Variants in ASTN2 observed in about 807,000 individuals in gnomAD.
The protein encoded by ASTN2 is astrotactin 2.
A neutral mutation model predicts 139.8 loss-of-function variants in ASTN2; 54 were observed. The ratio of observed to expected loss-of-function variants is 0.39; its 90% CI spans 0.31 to 0.48. The LOEUF is 0.48. ASTN2 is among the 20% of genes least tolerant of loss of function. ASTN2 has a pLI of 0.95. For synonymous variants in ASTN2, 756 were observed against 719.5 expected (o/e 1.05, Z -0.81); for missense variants, 1,565 against 1,725.1 (o/e 0.91, Z 1.64).
intron 1 of ASTN2, among the ~76,000 whole-genome samples, chr9:117,353,931 A>G (rs1258722868): frequency 6.6e-6 from 1 of 152,180 alleles, no homozygotes; most frequent in Non-Finnish European, 1.5e-5. Flanking sequence ...AGCACAGAGG[A>G]TTTTTAGGGC....
chr9:117,268,502 T>G (rs1833987085), intron 2 of ASTN2, among the ~76,000 whole-genome samples: 1 of 152,218 alleles, frequency 6.6e-6, no homozygotes, highest in Non-Finnish European at 1.5e-5. Flanking sequence ...TTTTCTCCTC[T>G]GTGTTCCCAC....
chr9:117,390,946 T>C (rs946411415), intron 1 of ASTN2, among the ~76,000 whole-genome samples: 8 of 152,228 alleles, frequency 5.3e-5, no homozygotes, highest in African/African-American at 1.9e-4. Context: ...CTGATTTAAT[T>C]GGCCTAAGGT....
chr9:116,804,024 C>A (rs1830966523), intron 13 of ASTN2, among the ~76,000 whole-genome samples: 1 of 151,856 alleles, frequency 6.6e-6, no homozygotes, highest in African/African-American at 2.4e-5. Flanking sequence ...AGTCATGGAT[C>A]CACCTGCCAA....
chr9:116,763,480 T>G (rs897885027), intron 13 of ASTN2, among the ~76,000 whole-genome samples: 3 of 151,998 alleles, frequency 2.0e-5, no homozygotes, highest in Non-Finnish European at 4.4e-5. Context: ...CAAAACTTCT[T>G]CTCCAGGCCA....
At chr9:116,489,916 A>C (rs1345314896) in intron 19 of ASTN2, among the ~76,000 whole-genome samples, 3 of 152,186 alleles carry the variant, frequency 2.0e-5, no homozygotes, top group East Asian at 3.9e-4. Context: ...AGGCAATTTC[A>C]GCTGCCACTG....
At chr9:117,137,450 G>A (rs896828737) in intron 4 of ASTN2, among the ~76,000 whole-genome samples, 7 of 152,124 alleles carry the variant, frequency 4.6e-5, no homozygotes, top group African/African-American at 1.7e-4. Flanking sequence ...AAAGACAGAG[G>A]ATTCAGACCA....
chr9:116,771,030 G>T lies in ASTN2; in HGVS notation c.2396+34602C>A, dbSNP rs149583328. ...TACTGTCTTATGTATTTTCTGTCAT[G>T]TTTTCTGCTTTATTCATCTGCTGAT... On this transcript the variant is annotated intron_variant, in intron 13 of 22. Coordinates refer to ENST00000313400, the MANE Select transcript of ASTN2 (RefSeq NM_001365068.1). Among the ~76,000 whole-genome samples the T allele has an allele frequency of 7.2e-5, 11 of 152,230 alleles. No homozygotes were observed. The East Asian group carries it at 2.1e-3, about 29-fold the overall frequency.
At chr9:116,847,198 C>T (rs919699541) in intron 11 of ASTN2, among the ~76,000 whole-genome samples, 8 of 152,122 alleles carry the variant, frequency 5.3e-5, no homozygotes, top group Non-Finnish European at 1.0e-4. Flanking sequence ...TCACTGCAAC[C>T]TCTGCCTCCC....
intron 10 of ASTN2, among the ~76,000 whole-genome samples, chr9:116,904,062 C>T (rs1181230809): frequency 6.6e-6 from 1 of 152,222 alleles, no homozygotes; most frequent in African/African-American, 2.4e-5. Flanking sequence ...ACAGGGTCCC[C>T]ATCCTTCTAC....
chr9:117,119,487 C>G (rs911119633), intron 4 of ASTN2, among the ~76,000 whole-genome samples: 2 of 152,078 alleles, frequency 1.3e-5, no homozygotes. Context: ...CTGACCCTCT[C>G]CAGCACCTCC....
intron 5 of ASTN2, among the ~76,000 whole-genome samples, chr9:117,054,694 T>C (rs2132673573): frequency 6.6e-6 from 1 of 152,272 alleles, no homozygotes; most frequent in Non-Finnish European, 1.5e-5. Context: ...GAATTTCAGG[T>C]ACATGCTGTG....
At chr9:116,973,071 C>T (rs1166128385) in intron 10 of ASTN2, among the ~76,000 whole-genome samples, 2 of 152,198 alleles carry the variant, frequency 1.3e-5, no homozygotes, top group African/African-American at 4.8e-5. Flanking sequence ...ACTCAATCTA[C>T]ATAGTGCAGA....
At chr9:116,955,902 C>G (rs1243625929) in intron 10 of ASTN2, among the ~76,000 whole-genome samples, 1 of 152,048 alleles carries the variant, frequency 6.6e-6, no homozygotes, top group East Asian at 1.9e-4. Context: ...TTCAGCTTAA[C>G]TGGAAAACTA....
At chr9:116,763,937 GC>G (rs756249447) in intron 13 of ASTN2, among the ~76,000 whole-genome samples, 2 of 152,194 alleles carry the variant, frequency 1.3e-5, no homozygotes, top group Non-Finnish European at 2.9e-5. Flanking sequence ...TAAGAGTGCT[GC>G]AGAGGAAGCC....
chr9:116,600,475 G>A (rs1157825739), intron 19 of ASTN2, among the ~76,000 whole-genome samples: 1 of 152,126 alleles, frequency 6.6e-6, no homozygotes, highest in South Asian at 2.1e-4. Context: ...AGATTAAATG[G>A]TCAGAAGATG....
intron 1 of ASTN2, among the ~76,000 whole-genome samples, chr9:117,363,045 G>A (rs1342307844): frequency 6.6e-6 from 1 of 151,986 alleles, no homozygotes; most frequent in Non-Finnish European, 1.5e-5. Context: ...CTTTTACAAT[G>A]ACCAAAATAC....
intron 1 of ASTN2, among the ~76,000 whole-genome samples, chr9:117,309,717 G>A (rs1827910412): frequency 6.6e-6 from 1 of 152,038 alleles, no homozygotes; most frequent in African/African-American, 2.4e-5. Flanking sequence ...ACCAAATCTA[G>A]GACCCTTTCC....
At chr9:116,963,076 T>C (rs1019726249) in intron 10 of ASTN2, among the ~76,000 whole-genome samples, 9 of 152,164 alleles carry the variant, frequency 5.9e-5, no homozygotes, top group African/African-American at 2.2e-4. Context: ...CAGAAAGGGA[T>C]ACTAAACTAC....
chr9:116,821,684 A>G (rs951958615), intron 11 of ASTN2, among the ~76,000 whole-genome samples: 1 of 152,108 alleles, frequency 6.6e-6, no homozygotes, highest in Non-Finnish European at 1.5e-5. Context: ...CCCTTTATAG[A>G]CAACCTAGTC....
Sources: allele counts gnomAD v4.1 joint callset (sites outside exome capture counted in the v4.1 genomes callset), GRCh38; gene constraint gnomAD v4.1.1; transcripts MANE v1.5; gene names NCBI Gene and HGNC (gene_info 2026-07-23, HGNC 2026-07-21).